TNC: variants seen among roughly 807,000 people sequenced by gnomAD.
TNC encodes tenascin C.
In TNC, 109 loss-of-function variants were observed where a neutral mutation model predicts 202.4. That is an observed-to-expected ratio of 0.54 (90% confidence interval 0.46 to 0.63). The LOEUF (loss-of-function observed/expected upper bound fraction) is 0.63. Among genes scored for constraint, TNC ranks in the 30% least tolerant of loss-of-function variants. The probability of loss-of-function intolerance (pLI) is 0.00; values close to 1 mark genes in which losing one functional copy is unlikely to be tolerated. For synonymous variants in TNC, 1,007 were observed against 1,089.7 expected (o/e 0.92, Z 1.50); for missense variants, 2,756 against 2,833.3 (o/e 0.97, Z 0.62).
intron 1 of TNC, among the ~76,000 whole-genome samples, chr9:115,113,604 T>A (rs1346133735): frequency 6.6e-6 from 1 of 152,182 alleles, no homozygotes; most frequent in Non-Finnish European, 1.5e-5. Context: ...ACTCATGATA[T>A]ATCTCTGGCT....
At chr9:115,081,692 A>C (rs950230940) in intron 6 of TNC, 80 bp downstream of exon 6, 7 of 1,497,224 alleles carry the variant, frequency 4.7e-6, no homozygotes, top group Non-Finnish European at 6.5e-6. Context: ...ATGCTATATG[A>C]GAAGGCACTT....
At chr9:115,091,302 A>C in intron 1 of TNC, 148 bp from the exon 2 acceptor site, 1 of 380,772 alleles carries the variant, frequency 2.6e-6, no homozygotes. Context: ...ATAACATACA[A>C]TGGTCTCTAA....
chr9:115,046,322 T>A, intron 17 of TNC, 88 bp downstream of exon 17: 1 of 1,477,410 alleles, frequency 6.8e-7, no homozygotes, highest in Admixed American at 1.9e-5. Context: ...CCTGCCTGCA[T>A]CCAAAGCTCC....
intron 24 of TNC, 145 bp downstream of exon 24, chr9:115,030,109 C>G (rs1829831733): frequency 1.3e-6 from 1 of 791,808 alleles, no homozygotes. Flanking sequence ...CTGAGTGCCT[C>G]TGTGTGACAG....
Position 115,037,531 on chromosome 9 carries a change from T to A in TNC, c.5512+730A>T, listed in dbSNP as rs533743279. 3.0e-4 allele frequency among the ~76,000 whole-genome samples: 45 copies of A among 152,296 alleles called. No individual in the cohort carries two copies. In the South Asian group the frequency reaches 9.1e-3, roughly 31 times the overall value. On this transcript the variant is annotated intron_variant, in intron 20 of 27. Transcript: ENST00000350763. ...CTGTTTTATTTATTTATTTATTTTT[T>A]ATTTTTATTTTTTTGAGACAGAGCC...
intron 15 of TNC, among the ~76,000 whole-genome samples, chr9:115,050,888 G>A (rs1831597102): frequency 6.6e-6 from 1 of 152,108 alleles, no homozygotes; most frequent in Non-Finnish European, 1.5e-5. Flanking sequence ...AAAAAGCTGT[G>A]GGAGAGGTTT....
At chr9:115,042,777 CA>C (rs34619022) in intron 17 of TNC, among the ~76,000 whole-genome samples, 6 of 152,098 alleles carry the variant, frequency 3.9e-5, no homozygotes, top group Admixed American at 3.9e-4. Flanking sequence ...TAGAAGCCCC[CA>C]AAAAGATGTG....
Position 115,020,730 on chromosome 9 carries a change from A to T in TNC, c.*427T>A. ...GTTTCTGTTGTATGAAATGTAAAAA[A>T]AGGGATGGCTTCCAATGACACATTT... On this transcript the variant is annotated 3_prime_UTR_variant, in exon 28 of 28. Coordinates refer to ENST00000350763, the MANE Select transcript of TNC (RefSeq NM_002160.4). 1 of 284,228 alleles carries T rather than the reference A, an allele frequency of 3.5e-6. No homozygotes were observed. The highest frequency in any genetic ancestry group is 3.6e-5 in the South Asian group (1 of 27,784). The allele number at this position is 284,228 out of a possible 1,614,324, so 17.6% of individuals were successfully genotyped here. A position where few individuals can be genotyped will look rare whatever the true frequency, so the allele number is the denominator to read the frequency against.
At chr9:115,100,709 ATAG>A (rs1300031562) in intron 1 of TNC, among the ~76,000 whole-genome samples, 1 of 152,174 alleles carries the variant, frequency 6.6e-6, no homozygotes, top group Non-Finnish European at 1.5e-5. Context: ...ATTTGCTAAG[ATAG>A]TAGTAGACCT....
At chr9:115,029,786 T>C (rs994450529) in intron 24 of TNC, among the ~76,000 whole-genome samples, 3 of 152,224 alleles carry the variant, frequency 2.0e-5, no homozygotes, top group Admixed American at 1.3e-4. Context: ...TGAAAACTTC[T>C]GTTCACTTAA....
At chr9:115,114,673 G>T (rs1275231060) in intron 1 of TNC, among the ~76,000 whole-genome samples, 1 of 152,200 alleles carries the variant, frequency 6.6e-6, no homozygotes, top group African/African-American at 2.4e-5. Flanking sequence ...CACCATTTAA[G>T]GTTCTAAACT....
Position 115,086,628 on chromosome 9 carries a change from G to T in TNC, c.1103C>A (p.Ala368Asp), listed in dbSNP as rs1167849583. The T allele has an allele frequency of 1.2e-6, 2 of 1,614,132 alleles. No homozygotes were observed. Among genetic ancestry groups the T allele is most frequent in the South Asian group, 2.2e-5 (2 of 91,090 alleles). Residue 368 changes from alanine to aspartate, a missense_variant, in exon 3 of 28, where the codon GCC (alanine) becomes GAC (aspartate). Transcript: ENST00000350763. ...EGQCVCDEGF[A>D]GVDCSEKRCP... ...CCTCTTCTCGCTGCAGTCCACACCGGCAAAGCCCTCATCACATACACACTG... is the reference window on the plus strand; with the variant it reads ...CCTCTTCTCGCTGCAGTCCACACCGTCAAAGCCCTCATCACATACACACTG...
intron 7 of TNC, 145 bp from the exon 8 acceptor site, chr9:115,076,720 G>C: frequency 1.1e-6 from 1 of 915,132 alleles, no homozygotes; most frequent in South Asian, 1.7e-5. Flanking sequence ...CCCCATAGTG[G>C]ATGTGCAAAT....
intron 21 of TNC, 43 bp from the exon 22 acceptor site, chr9:115,035,377 T>C (rs1319013691): frequency 6.4e-7 from 1 of 1,574,240 alleles, no homozygotes. Context: ...GATCAGCAAA[T>C]GTAGGGCAGA....
chr9:115,060,852 G>C (rs1832489772), intron 13 of TNC, among the ~76,000 whole-genome samples: 1 of 152,100 alleles, frequency 6.6e-6, no homozygotes, highest in Non-Finnish European at 1.5e-5. Context: ...TATGTCTAAA[G>C]GAAGAATGGC....
In TNC at chr9:115,029,419, T is replaced by C. The variant is rs1439730789; in HGVS notation, c.6110A>G (p.Tyr2037Cys). 6.2e-7 allele frequency: 1 copy of C among 1,614,136 alleles called. No individual in the cohort carries two copies. The highest frequency in any genetic ancestry group is 1.1e-5 in the South Asian group (1 of 91,078). ...LRRKNGRENFYQNWKAYAAGF... is the reference protein window; with the variant it reads ...LRRKNGRENFCQNWKAYAAGF... Reference sequence around the variant, plus strand: ...AGCAGCATATGCCTTCCAGTTTTGGTAGAAGTTCTCGCGTCCGTTTTTGCG... The same window carrying C: ...AGCAGCATATGCCTTCCAGTTTTGGCAGAAGTTCTCGCGTCCGTTTTTGCG... Residue 2037 changes from tyrosine to cysteine, a missense_variant, in exon 25 of 28, where the codon TAC becomes TGC. Physicochemically the swap from Tyr to Cys is radical, Grantham distance 194. Around this residue, in one of 2 missense-constraint regions of TNC, gnomAD observed 197 missense variants for 287.3 expected, o/e 0.69. Coordinates refer to ENST00000350763, the MANE Select transcript of TNC (RefSeq NM_002160.4).
intron 1 of TNC, among the ~76,000 whole-genome samples, chr9:115,107,388 T>G (rs1348626903): frequency 6.6e-6 from 1 of 152,206 alleles, no homozygotes; most frequent in Non-Finnish European, 1.5e-5. Flanking sequence ...TAACCTCTGC[T>G]GGAATATAGT....
chr9:115,034,758 G>A lies in TNC; in HGVS notation c.5787+446C>T, dbSNP rs77106496. Among the ~76,000 whole-genome samples the A allele has an allele frequency of 7.0e-4, 107 of 152,240 alleles. 1 individual carries two copies. The highest frequency in any genetic ancestry group is 1.3e-3 in the Non-Finnish European group (91 of 68,014). On this transcript the variant is annotated intron_variant, in intron 22 of 27. Coordinates refer to ENST00000350763, the MANE Select transcript of TNC (RefSeq NM_002160.4). The stretch of plus-strand genomic sequence containing the variant: ...AAAAGGTAAAAGAAAGAAAATTCTT[G>A]GGTAGCGAATATAAATAATATAAAC...
intron 5 of TNC, 150 bp from the exon 6 acceptor site, chr9:115,082,078 C>T: frequency 1.4e-6 from 1 of 704,582 alleles, no homozygotes; most frequent in Non-Finnish European, 2.2e-6. Flanking sequence ...ATGTAAGCTA[C>T]TGAGGATACA....
Sources: gnomAD v4.1 joint callset for allele counts (sites outside exome capture counted in the v4.1 genomes callset) on GRCh38, gnomAD v4.1.1 for gene constraint, gnomAD v4.1.1 regional missense constraint, MANE v1.5 for transcripts, NCBI Gene and HGNC (gene_info 2026-07-23, HGNC 2026-07-21) for gene names.